Variants in IQGAP2 observed in about 807,000 individuals in gnomAD.
IQGAP2 encodes the protein ras GTPase-activating-like protein IQGAP2.
IQGAP2 carries 173 observed loss-of-function variants against 201.3 expected under a neutral mutation model. The ratio of observed to expected loss-of-function variants is 0.86; its 90% CI spans 0.76 to 0.98. IQGAP2 has a LOEUF of 0.98. IQGAP2 is among the 50% of genes least tolerant of loss of function. The pLI, the probability that IQGAP2 is intolerant of heterozygous loss-of-function variation, is 0.00. For missense variants in IQGAP2, 1,687 were observed against 1,864.8 expected (o/e 0.90, Z 1.76); for synonymous variants, 675 against 673.9 (o/e 1.00, Z -0.03).
chr5:76,407,079 A>G (rs909907921), intron 1 of IQGAP2, among the ~76,000 whole-genome samples: 10 of 152,098 alleles, frequency 6.6e-5, no homozygotes, highest in Non-Finnish European at 1.2e-4. Context: ...TCCCAGCCTC[A>G]AGCTGTCCTC....
chr5:76,683,971 C>G, intron 30 of IQGAP2, 54 bp downstream of exon 30: 2 of 1,474,490 alleles, frequency 1.4e-6, no homozygotes, highest in Non-Finnish European at 1.8e-6. Flanking sequence ...TTAAATGATG[C>G]AAATTCAAAT....
rs1477324003 is a variant in IQGAP2 at position 76,606,300 on chromosome 5, G to T, written c.1354G>T (p.Asp452Tyr). 5 of 1,596,652 alleles carry T rather than the reference G, an allele frequency of 3.1e-6. No individual in the cohort carries two copies. Among genetic ancestry groups the T allele is most frequent in the East Asian group, 4.5e-5 (2 of 44,288 alleles). Residue 452 changes from aspartate (D) to tyrosine (Y), a missense_variant, in exon 12 of 36, where the codon GAC (aspartate) becomes TAC (tyrosine). By Grantham distance (160) the Asp-to-Tyr change is radical (BLOSUM62 -3). Coordinates refer to ENST00000274364, the MANE Select transcript of IQGAP2 (RefSeq NM_006633.5). ...MVNAQIQEEN[D>Y]RVVAVGYINE... ...TAATGCTCAAATTCAAGAAGAAAAT[G>T]ACCGTAAGTATAAGACACTTTCCTT...
At chr5:76,464,652 T>A (rs903291311) in intron 2 of IQGAP2, among the ~76,000 whole-genome samples, 1 of 152,228 alleles carries the variant, frequency 6.6e-6, no homozygotes, top group African/African-American at 2.4e-5. Flanking sequence ...ATTATAATAT[T>A]CCAGTATATC....
intron 14 of IQGAP2, chr5:76,628,585 A>C (rs550613031): frequency 7.2e-5 from 25 of 348,556 alleles, no homozygotes; most frequent in Non-Finnish European, 1.2e-4. Flanking sequence ...GATTCCTAAA[A>C]ATATATTTCA....
At chr5:76,482,071 G>A (rs1755823825) in intron 2 of IQGAP2, among the ~76,000 whole-genome samples, 2 of 152,194 alleles carry the variant, frequency 1.3e-5, no homozygotes. Context: ...AGGAGAAACA[G>A]GAAAAATTTA....
intron 2 of IQGAP2, among the ~76,000 whole-genome samples, chr5:76,485,209 A>G (rs1023876753): frequency 1.1e-4 from 16 of 152,188 alleles, no homozygotes; most frequent in Admixed American, 1.0e-3. Flanking sequence ...CTGAGCCTAT[A>G]TCCAGAGCCC....
chr5:76,413,157 T>TC (rs1491543822), intron 1 of IQGAP2, among the ~76,000 whole-genome samples: 9 of 13,068 alleles, frequency 6.9e-4, no homozygotes, highest in African/African-American at 1.9e-3. Context: ...TTCTTTTCTC[T>TC]TTTTTTTTTT....
chr5:76,629,566 G>T (rs1218102632), intron 14 of IQGAP2, among the ~76,000 whole-genome samples: 3 of 152,126 alleles, frequency 2.0e-5, no homozygotes, highest in African/African-American at 7.2e-5. Context: ...GCACCCTAAG[G>T]AATCTTTTTA....
chr5:76,487,102 C>T (rs994448822), intron 2 of IQGAP2, among the ~76,000 whole-genome samples: 3 of 141,394 alleles, frequency 2.1e-5, no homozygotes, highest in East Asian at 2.0e-4. Context: ...TTCTTTCTTT[C>T]TTTTTTTTTT....
intron 2 of IQGAP2, among the ~76,000 whole-genome samples, chr5:76,508,123 G>T (rs1160176773): frequency 6.6e-6 from 1 of 151,598 alleles, no homozygotes; most frequent in Non-Finnish European, 1.5e-5. Context: ...TTGAGGTCAG[G>T]AGTTCAAGAG....
chr5:76,690,561 T>G, intron 30 of IQGAP2, among the ~76,000 whole-genome samples: 1 of 152,174 alleles, frequency 6.6e-6, no homozygotes, highest in East Asian at 1.9e-4. Context: ...AGTGAGCTCC[T>G]GTTTGAGAAT....
At chr5:76,571,034 G>A (rs1745077325) in intron 4 of IQGAP2, among the ~76,000 whole-genome samples, 1 of 149,712 alleles carries the variant, frequency 6.7e-6, no homozygotes, top group Non-Finnish European at 1.5e-5. Context: ...GCTAAGGTGA[G>A]AGAATCACTT....
chr5:76,464,912 T>C (rs1055982751), intron 2 of IQGAP2, among the ~76,000 whole-genome samples: 2 of 152,124 alleles, frequency 1.3e-5, no homozygotes, highest in African/African-American at 2.4e-5. Flanking sequence ...ATGAGACTTA[T>C]AATAAGTGAA....
intron 13 of IQGAP2, chr5:76,617,356 A>T (rs1749079958): frequency 9.3e-6 from 4 of 427,848 alleles, no homozygotes; most frequent in African/African-American, 7.8e-5. Flanking sequence ...CCTGGGAGGC[A>T]GAGGTTGCAA....
intron 21 of IQGAP2, among the ~76,000 whole-genome samples, chr5:76,664,576 A>C (rs955638287): frequency 1.1e-4 from 17 of 152,152 alleles, no homozygotes; most frequent in African/African-American, 4.1e-4. Flanking sequence ...CCAGCTACTC[A>C]GGAGGCTGAG....
chr5:76,520,824 C>T (rs7737274), intron 2 of IQGAP2, among the ~76,000 whole-genome samples: 8,584 of 150,720 alleles, frequency 0.057, 279 homozygotes, highest in African/African-American at 0.091. Context: ...TTTCCTTCGT[C>T]AGCCTCCCGA....
chr5:76,444,888 T>C (rs1362057148), intron 1 of IQGAP2, among the ~76,000 whole-genome samples: 2 of 152,144 alleles, frequency 1.3e-5, no homozygotes, highest in Non-Finnish European at 2.9e-5. Context: ...TGTAAATATA[T>C]AAAAGATAAG....
At chr5:76,673,874 C>A in intron 25 of IQGAP2, 78 bp from the exon 26 acceptor site, 2 of 882,384 alleles carry the variant, frequency 2.3e-6, no homozygotes, top group South Asian at 1.4e-5. Flanking sequence ...CTGAAGTTGA[C>A]TGGAACAATT....
intron 2 of IQGAP2, among the ~76,000 whole-genome samples, chr5:76,523,863 T>C (rs1310265773): frequency 6.6e-6 from 1 of 152,140 alleles, no homozygotes. Context: ...TACATCCTGA[T>C]TCGGGTGATT....
Sources: gnomAD v4.1 joint callset for allele counts (sites outside exome capture counted in the v4.1 genomes callset) on GRCh38, gnomAD v4.1.1 for gene constraint, MANE v1.5 for transcripts, NCBI Gene and HGNC (gene_info 2026-07-23, HGNC 2026-07-21) for gene names.